Variants in ADGRL2 observed in about 807,000 individuals in gnomAD.
ADGRL2 encodes calcium-independent alpha-latrotoxin receptor 2.
Under a neutral mutation model 157.4 loss-of-function variants are expected in ADGRL2, and 44 were observed. That is an observed-to-expected ratio of 0.28 (90% CI 0.22 to 0.36). The LOEUF is 0.36. ADGRL2 is among the 10% of genes least tolerant of loss of function. ADGRL2 has a pLI of 1.00. For missense variants in ADGRL2, 1,510 were observed against 1,768.9 expected, an observed-to-expected ratio of 0.85 and a Z score of 2.63; for synonymous variants, 585 against 624.7, an observed-to-expected ratio of 0.94 and a Z score of 0.95.
At chr1:81,702,514 G>A (rs2083604503) in intron 1 of ADGRL2, among the ~76,000 whole-genome samples, 1 of 152,036 alleles carries the variant, frequency 6.6e-6, no homozygotes, top group Non-Finnish European at 1.5e-5. Context: ...GTATCTTCAT[G>A]ATGTACAACA....
At chr1:81,851,371 T>C (rs550923185) in intron 2 of ADGRL2, among the ~76,000 whole-genome samples, 3 of 152,006 alleles carry the variant, frequency 2.0e-5, no homozygotes, top group Non-Finnish European at 4.4e-5. Flanking sequence ...GAATATGTTT[T>C]AGAGTATAAG....
chr1:81,805,535 AG>A (rs1198657929), intron 1 of ADGRL2, among the ~76,000 whole-genome samples: 1 of 152,062 alleles, frequency 6.6e-6, no homozygotes, highest in African/African-American at 2.4e-5. Context: ...ACAATTTCAG[AG>A]GGGAAAAACT....
chr1:81,900,650 A>G (rs1055963897), intron 2 of ADGRL2, among the ~76,000 whole-genome samples: 2 of 152,196 alleles, frequency 1.3e-5, no homozygotes, highest in South Asian at 2.1e-4. Flanking sequence ...TGAAGAAACC[A>G]TAAACTTTCT....
At chr1:81,840,729 C>G (rs1007284766) in intron 2 of ADGRL2, among the ~76,000 whole-genome samples, 1 of 152,024 alleles carries the variant, frequency 6.6e-6, no homozygotes, top group Non-Finnish European at 1.5e-5. Flanking sequence ...TAAGCCTTTC[C>G]TACAACGTAT....
intron 2 of ADGRL2, among the ~76,000 whole-genome samples, chr1:81,469,673 C>G (rs1158193295): frequency 6.6e-6 from 1 of 152,158 alleles, no homozygotes; most frequent in Non-Finnish European, 1.5e-5. Flanking sequence ...AATCTTCATC[C>G]AAGAGCTAAG....
At chr1:81,836,480 A>G (rs990645854) in intron 1 of ADGRL2, among the ~76,000 whole-genome samples, 5 of 152,076 alleles carry the variant, frequency 3.3e-5, no homozygotes, top group Non-Finnish European at 5.9e-5. Context: ...GTCTCATGTG[A>G]TCCTAGAAGC....
chr1:81,388,369 G>C (rs1235513709), intron 1 of ADGRL2, among the ~76,000 whole-genome samples: 1 of 152,146 alleles, frequency 6.6e-6, no homozygotes, highest in Non-Finnish European at 1.5e-5. Context: ...CAAGTTCATA[G>C]ATTAGAGATC....
At chr1:81,413,387 G>C (rs1420002684) in intron 1 of ADGRL2, among the ~76,000 whole-genome samples, 1 of 151,788 alleles carries the variant, frequency 6.6e-6, no homozygotes, top group Non-Finnish European at 1.5e-5. Flanking sequence ...ACCAGGCAGA[G>C]CAGGAAAAAA....
chr1:81,372,390 C>A (rs1201466353), intron 1 of ADGRL2, among the ~76,000 whole-genome samples: 1 of 152,050 alleles, frequency 6.6e-6, no homozygotes, highest in Non-Finnish European at 1.5e-5. Flanking sequence ...GTAAGGAGGG[C>A]CGAGATGGCA....
Position 81,502,922 on chromosome 1 carries a change from G to C in ADGRL2, c.-248+57833G>C, listed in dbSNP as rs190985834. 6.8e-6 allele frequency: 11 copies of C among 1,612,460 alleles called. No individual in the cohort carries two copies. The East Asian group carries it at 2.2e-4, about 33-fold the overall frequency. On this transcript the variant is annotated intron_variant, in intron 2 of 24. Coordinates refer to the ADGRL2 transcript ENST00000370721. ...AGTGGCACCAATACCAGTAGCCCTC[G>C]AATATCCCCAGCAACCACTCTCAGG...
chr1:81,869,654 A>C (rs1483343074), intron 2 of ADGRL2, among the ~76,000 whole-genome samples: 1 of 152,086 alleles, frequency 6.6e-6, no homozygotes, highest in Non-Finnish European at 1.5e-5. Context: ...TCTGAAAATG[A>C]AAGGTGAATG....
At chr1:81,835,212 T>A (rs2092205819) in intron 1 of ADGRL2, among the ~76,000 whole-genome samples, 1 of 152,114 alleles carries the variant, frequency 6.6e-6, no homozygotes, top group South Asian at 2.1e-4. Context: ...AATGAAAACT[T>A]GGACAGTAAA....
chr1:81,492,639 A>G (rs2078657527), intron 2 of ADGRL2, among the ~76,000 whole-genome samples: 1 of 152,208 alleles, frequency 6.6e-6, no homozygotes, highest in Non-Finnish European at 1.5e-5. Flanking sequence ...AGAATGCTTC[A>G]TTTCTAAAGT....
At chr1:81,859,952 G>A (rs1222941678) in intron 2 of ADGRL2, among the ~76,000 whole-genome samples, 2 of 151,730 alleles carry the variant, frequency 1.3e-5, no homozygotes, top group South Asian at 2.1e-4. Context: ...CGGGCCAGGC[G>A]TGGTAGCTCA....
At chr1:81,589,976 C>G (rs2081099979) in intron 3 of ADGRL2, among the ~76,000 whole-genome samples, 1 of 152,126 alleles carries the variant, frequency 6.6e-6, no homozygotes, top group Non-Finnish European at 1.5e-5. Context: ...ACTTACATGA[C>G]CATACTCTAA....
intron 11 of ADGRL2, among the ~76,000 whole-genome samples, chr1:81,964,421 C>T (rs1656440258): frequency 1.3e-5 from 2 of 152,106 alleles, no homozygotes; most frequent in African/African-American, 4.8e-5. Context: ...GTTCATCCAT[C>T]TACCCAGCAG....
chr1:81,518,568 A>C (rs1225051466), intron 2 of ADGRL2, among the ~76,000 whole-genome samples: 1 of 152,218 alleles, frequency 6.6e-6, no homozygotes, highest in Non-Finnish European at 1.5e-5. Flanking sequence ...AACATTTGAT[A>C]AGACAGACAG....
intron 2 of ADGRL2, among the ~76,000 whole-genome samples, chr1:81,512,690 G>A (rs1189064259): frequency 6.6e-6 from 1 of 152,036 alleles, no homozygotes. Context: ...CTTCCCAGTA[G>A]GGGGAAAAAA....
intron 3 of ADGRL2, among the ~76,000 whole-genome samples, chr1:81,627,502 G>A (rs2081933809): frequency 6.6e-6 from 1 of 152,060 alleles, no homozygotes; most frequent in Admixed American, 6.6e-5. Context: ...TATGTGCCAA[G>A]TACTCCATTA....
Sources: allele counts gnomAD v4.1 joint callset (sites outside exome capture counted in the v4.1 genomes callset), GRCh38; gene constraint gnomAD v4.1.1; transcripts MANE v1.5; gene names NCBI Gene and HGNC (gene_info 2026-07-23, HGNC 2026-07-21).